The following USP31 variants were observed in gnomAD, a reference collection of about 807,000 sequenced individuals.
USP31 encodes ubiquitin carboxyl-terminal hydrolase 31.
Under a neutral mutation model 119.4 loss-of-function variants are expected in USP31, and 44 were observed. The observed-to-expected ratio is 0.37, with a 90% CI of 0.29 to 0.47. USP31 has a LOEUF of 0.47. Ranked by LOEUF, USP31 falls within the 20% of genes least tolerant of loss-of-function variation. USP31 has a pLI of 0.99. For missense variants in USP31, 1,643 were observed against 1,730.2 expected, an observed-to-expected ratio of 0.95 and a Z score of 0.89; for synonymous variants, 749 against 705.6, an observed-to-expected ratio of 1.06 and a Z score of -0.97.
chr16:23,105,770 C>T (rs1394962167), intron 4 of USP31, among the ~76,000 whole-genome samples, 194 bp from the exon 5 acceptor site: 1 of 152,198 alleles, frequency 6.6e-6, no homozygotes, highest in Non-Finnish European at 1.5e-5. Context: ...TTGGAAAAGG[C>T]AATCTTCATA....
Position 23,095,539 on chromosome 16 carries a change from A to G in USP31, c.1235-4735T>C, listed in dbSNP as rs13332188. ...CTCGAGAAGAACAACCCCAAGACAC[A>G]TAATTGTCAGATTCACCAAGGTTGA... On this transcript the variant is annotated intron_variant, in intron 6 of 15. Transcript: ENST00000219689. 9.3e-3 allele frequency among the ~76,000 whole-genome samples: 1,414 copies of G among 152,280 alleles called. 18 individuals are homozygous for G. The highest frequency in any genetic ancestry group is 0.03 in the African/African-American group (1,228 of 41,544).
chr16:23,085,475 C>T lies in USP31; in HGVS notation c.1700+110G>A, dbSNP rs1208346458. The T allele has an allele frequency of 3.0e-6, 3 of 1,001,866 alleles. No individual in the cohort carries two copies. The Admixed American group carries it at 6.0e-5, about 20-fold the overall frequency. 62.1% of individuals were successfully genotyped at this position (1,001,866 alleles called of 1,614,324 possible). A position where few individuals can be genotyped will look rare whatever the true frequency, so the allele number is the denominator to read the frequency against. ...GTTAACAACACACCTGGATACTTAG[C>T]TAAAGAGAAGAGAGATTTGTGTTTC... On this transcript the variant is annotated intron_variant, in intron 10 of 15. Coordinates refer to ENST00000219689, the MANE Select transcript of USP31 (RefSeq NM_020718.4).
At position 23,067,968 on chromosome 16, in the gene USP31, C is replaced by T; in HGVS notation, c.*78G>A. 1 of 1,513,444 alleles carries T rather than the reference C, an allele frequency of 6.6e-7. No homozygotes were observed. The highest frequency in any genetic ancestry group is 8.8e-7 in the Non-Finnish European group (1 of 1,135,030). 93.8% of individuals were successfully genotyped at this position (1,513,444 alleles called of 1,614,324 possible). Reference sequence around the variant, plus strand: ...CTCAAAAAAGTACAAAACAAAAGCACAGGAGGCTTTGGTGGGAGGGCAGGG... The same window carrying T: ...CTCAAAAAAGTACAAAACAAAAGCATAGGAGGCTTTGGTGGGAGGGCAGGG... On this transcript the variant is annotated 3_prime_UTR_variant, in exon 16 of 16. Transcript: ENST00000219689.
chr16:23,131,743 G>T (rs1030370972), intron 1 of USP31, among the ~76,000 whole-genome samples: 11 of 152,100 alleles, frequency 7.2e-5, no homozygotes, highest in Non-Finnish European at 1.0e-4. Context: ...CTTTGTAAAT[G>T]ATATGGCCCT....
Position 23,068,636 on chromosome 16 carries a change from C to T in USP31, c.3469G>A (p.Glu1157Lys). ...GAACCCAAGCTTTGTCTGGAGCCCT[C>T]TCTACTCAAGCTGTGGTCTGAAGTC... ...SRTSDHSLSREGSRQSLGSDR... is the reference protein window; with the variant it reads ...SRTSDHSLSRKGSRQSLGSDR... Residue 1157 changes from glutamate (E) to lysine (K), a missense_variant, in exon 16 of 16, where the codon GAG becomes AAG. Glu to Lys is a moderately conservative substitution (Grantham distance 56). Coordinates refer to ENST00000219689, the MANE Select transcript of USP31 (RefSeq NM_020718.4). The T allele has an allele frequency of 3.1e-6, 5 of 1,614,208 alleles. No individual in the cohort carries two copies. The highest frequency in any genetic ancestry group is 1.7e-5 in the Admixed American group (1 of 60,030).
intron 1 of USP31, among the ~76,000 whole-genome samples, chr16:23,139,665 T>C (rs139897354): frequency 1.2e-4 from 19 of 152,304 alleles, no homozygotes; most frequent in Non-Finnish European, 2.6e-4. Context: ...ATCACCTCTA[T>C]GCAGCTGAAT....
intron 1 of USP31, among the ~76,000 whole-genome samples, chr16:23,137,338 T>C (rs1008509307): frequency 2.0e-5 from 3 of 152,206 alleles, no homozygotes; most frequent in African/African-American, 4.8e-5. Flanking sequence ...TCATCCATTA[T>C]TGGTGAGAAT....
intron 1 of USP31, among the ~76,000 whole-genome samples, chr16:23,125,371 A>T (rs6497652): frequency 0.28 from 42,592 of 151,844 alleles, 6,269 homozygotes; most frequent in Admixed American, 0.35. Flanking sequence ...CTCCCTCAGC[A>T]ATACCCTCTG....
chr16:23,086,154 C>T (rs1901099237), intron 9 of USP31, among the ~76,000 whole-genome samples: 1 of 152,266 alleles, frequency 6.6e-6, no homozygotes. Context: ...TTGCCATCTC[C>T]TGAGAAACCC....
intron 1 of USP31, among the ~76,000 whole-genome samples, chr16:23,121,584 T>C (rs548522395): frequency 6.6e-6 from 1 of 152,244 alleles, no homozygotes; most frequent in African/African-American, 2.4e-5. Context: ...GAGTGTGAAA[T>C]CAAAATACGG....
chr16:23,068,133 C>A lies in USP31; in HGVS notation c.3972G>T (p.Pro1324=), dbSNP rs372832840. The A allele has an allele frequency of 3.7e-6, 6 of 1,614,040 alleles. No individual in the cohort carries two copies. Among genetic ancestry groups the A allele is most frequent in the Admixed American group, 1.7e-5 (1 of 60,012 alleles). The change falls in exon 16 of 16, where the codon CCG becomes CCT. Residue 1324 remains proline, a synonymous_variant. Transcript: ENST00000219689. ...ATTTCTCTGCAGACTGCCTGCCACC[C>A]GGAGACGAGGGAACTCCAGAGTCTA... The part of the protein sequence containing the change: ...SQLDSGVPSS[P]GGRQSAEKSS...
chr16:23,113,989 C>A (rs1902406526), intron 1 of USP31, among the ~76,000 whole-genome samples: 1 of 152,010 alleles, frequency 6.6e-6, no homozygotes, highest in South Asian at 2.1e-4. Context: ...CCTGTAATCC[C>A]AGCTATTTAG....
rs1432575584 is a variant in USP31 at position 23,066,508 on chromosome 16, A to G, written c.*1538T>C. ...GCAATACTGAAAAGGGAGGTTATAT[A>G]TGGATCTGTGCACCAAGGGTTCAAG... On this transcript the variant is annotated 3_prime_UTR_variant, in exon 16 of 16. Transcript: ENST00000219689. 1 of 152,218 alleles carries G rather than the reference A, an allele frequency of 6.6e-6. No individual in the cohort carries two copies. The highest frequency in any genetic ancestry group is 2.4e-5 in the African/African-American group (1 of 41,430). 9.4% of individuals were successfully genotyped at this position (152,218 alleles called of 1,614,324 possible).
intron 1 of USP31, among the ~76,000 whole-genome samples, chr16:23,140,171 G>A (rs1008776324): frequency 6.6e-6 from 1 of 152,132 alleles, no homozygotes; most frequent in African/African-American, 2.4e-5. Context: ...ACTGATTGCA[G>A]CCTCAAGGCT....
At chr16:23,102,244 A>G in intron 6 of USP31, 75 bp downstream of exon 6, 2 of 1,489,768 alleles carry the variant, frequency 1.3e-6, no homozygotes, top group Non-Finnish European at 1.8e-6. Context: ...TCATTATATA[A>G]TAGACAACTA....
At chr16:23,075,618 T>C (rs1330307980) in intron 13 of USP31, among the ~76,000 whole-genome samples, 2 of 152,222 alleles carry the variant, frequency 1.3e-5, no homozygotes, top group African/African-American at 4.8e-5. Context: ...ATATTTTTAT[T>C]GTATTCTTAC....
At chr16:23,095,707 AAAAGAATT>A (rs1402888785) in intron 6 of USP31, among the ~76,000 whole-genome samples, 2 of 152,242 alleles carry the variant, frequency 1.3e-5, no homozygotes, top group Admixed American at 1.3e-4. Flanking sequence ...ATTCTTAAAG[AAAAGAATT>A]TTCAACCCAA....
chr16:23,132,917 A>G (rs1903073319), intron 1 of USP31, among the ~76,000 whole-genome samples: 1 of 152,182 alleles, frequency 6.6e-6, no homozygotes, highest in Non-Finnish European at 1.5e-5. Context: ...TCACACACCC[A>G]TAAAGCTGCC....
chr16:23,069,738 G>A (rs1363388896), intron 15 of USP31, 122 bp from the exon 16 acceptor site: 15 of 1,317,348 alleles, frequency 1.1e-5, no homozygotes, highest in Non-Finnish European at 1.3e-5. Context: ...GACCTTCAGA[G>A]CCAGCCCATC....
Sources: allele counts gnomAD v4.1 joint callset (sites outside exome capture counted in the v4.1 genomes callset), GRCh38; gene constraint gnomAD v4.1.1; transcripts MANE v1.5; gene names NCBI Gene and HGNC (gene_info 2026-07-23, HGNC 2026-07-21).